The following TSEN2 variants were observed in gnomAD, a reference collection of about 807,000 sequenced individuals.
TSEN2 encodes tRNA-splicing endonuclease subunit Sen2.
TSEN2 carries 54 observed loss-of-function variants against 59.2 expected under a neutral mutation model. The ratio of observed to expected loss-of-function variants is 0.91; its 90% CI spans 0.73 to 1.14. The LOEUF is 1.14. Ranked by LOEUF, TSEN2 falls within the 50% of genes most tolerant of loss-of-function variation. TSEN2 has a pLI of 0.00. For synonymous variants in TSEN2, 195 were observed against 198.2 expected, an observed-to-expected ratio of 0.98 and a Z score of 0.14; for missense variants, 636 against 576.2, an observed-to-expected ratio of 1.10 and a Z score of -1.06.
At chr3:12,499,439 G>A (rs778554057) in intron 4 of TSEN2, among the ~76,000 whole-genome samples, 8 of 152,244 alleles carry the variant, frequency 5.3e-5, no homozygotes, top group African/African-American at 9.6e-5. Context: ...GTGCTGTCCT[G>A]TAGTAGTCGG....
intron 1 of TSEN2, among the ~76,000 whole-genome samples, chr3:12,486,732 T>C (rs965089410): frequency 6.6e-6 from 1 of 152,204 alleles, no homozygotes; most frequent in African/African-American, 2.4e-5. Context: ...TTCCCACTTT[T>C]CCCTGTCTCT....
chr3:12,495,180 T>C (rs567569195), intron 3 of TSEN2, among the ~76,000 whole-genome samples: 1 of 126,974 alleles, frequency 7.9e-6, no homozygotes, highest in South Asian at 2.4e-4. Flanking sequence ...TTTTTAAACA[T>C]AGAAATGAAG....
intron 4 of TSEN2, among the ~76,000 whole-genome samples, chr3:12,500,654 A>G (rs2054199611): frequency 6.6e-6 from 1 of 152,190 alleles, no homozygotes; most frequent in Non-Finnish European, 1.5e-5. Flanking sequence ...AAACTCCACA[A>G]TGATATAGTA....
chr3:12,532,826 C>A lies in TSEN2; in HGVS notation c.*105C>A. 9.4e-7 allele frequency: 1 copy of A among 1,059,798 alleles called. No individual in the cohort carries two copies. The allele number at this position is 1,059,798 out of a possible 1,614,324, so 65.6% of individuals were successfully genotyped here. The stretch of plus-strand genomic sequence containing the variant: ...CCATTAATTCATAAGTTTTAAAGGG[C>A]ATGGTGCTCCCAGCACCAGAAAACT... On this transcript the variant is annotated 3_prime_UTR_variant, in exon 12 of 12. Coordinates refer to ENST00000284995, the MANE Select transcript of TSEN2 (RefSeq NM_025265.4).
chr3:12,484,353 G>C (rs140758605), upstream of TSEN2: 1 of 152,436 alleles, frequency 6.6e-6, no homozygotes, highest in East Asian at 1.9e-4. Flanking sequence ...CTGGCGCACA[G>C]AACACCCGCC....
In TSEN2 at chr3:12,505,136, G is replaced by A. The variant is rs536383442; in HGVS notation, c.832-18G>A. The A allele has an allele frequency of 1.4e-5, 21 of 1,464,058 alleles. No homozygotes were observed. The highest frequency in any genetic ancestry group is 3.3e-5 in the Admixed American group (2 of 59,758). 90.7% of individuals were successfully genotyped at this position (1,464,058 alleles called of 1,614,324 possible). A position where few individuals can be genotyped will look rare whatever the true frequency, so the allele number is the denominator to read the frequency against. On this transcript the variant is annotated intron_variant, in intron 5 of 11. Transcript: ENST00000284995. ...TGCTTCCATTTGTTCTGTATATATT[G>A]TATTTCTTTCTCTTTAGTTGGTGCA... is the stretch of plus-strand genomic sequence containing the variant.
rs751179622 is a variant in TSEN2 at position 12,503,615 on chromosome 3, G to T, written c.662G>T (p.Cys221Phe). ...REDASPLPHV[C>F]CCKQDALILQ... ...GATGCCTCACCTCTGCCCCATGTCT[G>T]TTGCTGCAAACAAGATGCTCTCATC... Residue 221 changes from cysteine (C) to phenylalanine (F), a missense_variant, in exon 5 of 12, where the codon TGT (cysteine) becomes TTT (phenylalanine). Transcript: ENST00000284995. 6.3e-7 allele frequency: 1 copy of T among 1,594,726 alleles called. No homozygotes were observed. Among genetic ancestry groups the T allele is most frequent in the African/African-American group, 1.3e-5 (1 of 74,570 alleles).
chr3:12,536,420 A>C (rs976538876), downstream of TSEN2, among the ~76,000 whole-genome samples: 1 of 152,202 alleles, frequency 6.6e-6, no homozygotes, highest in Non-Finnish European at 1.5e-5. Context: ...TGGTCATCCC[A>C]TGAACATTGA....
downstream of TSEN2, among the ~76,000 whole-genome samples, chr3:12,535,795 G>A (rs889235379): frequency 6.6e-6 from 1 of 152,156 alleles, no homozygotes; most frequent in African/African-American, 2.4e-5. Flanking sequence ...GCCTCCCAAA[G>A]TGCTGGGATT....
rs908122565 is a variant in TSEN2 at position 12,484,849 on chromosome 3, GT to G, written c.-48del. The G allele has an allele frequency of 1.3e-5, 2 of 152,500 alleles. No homozygotes were observed. Among genetic ancestry groups the G allele is most frequent in the Non-Finnish European group, 2.9e-5 (2 of 68,244 alleles). The allele number at this position is 152,500 out of a possible 1,614,324, so 9.4% of individuals were successfully genotyped here. A position where few individuals can be genotyped will look rare whatever the true frequency, so the allele number is the denominator to read the frequency against. On this transcript the variant is annotated 5_prime_UTR_variant, in exon 1 of 12. An upstream open reading frame in the 5' UTR loses its in-frame stop. Transcript: ENST00000284995. ...GCAGCCTCTGGTGGAGTTCGGTCGGGTGTGGGGGTAGTCAAGGAAAGAAGCA... is the reference window on the plus strand; with the variant it reads ...GCAGCCTCTGGTGGAGTTCGGTCGGGGTGGGGGTAGTCAAGGAAAGAAGCA...
chr3:12,518,995 C>T (rs955318618), intron 7 of TSEN2, 64 bp from the exon 8 acceptor site: 5 of 1,559,870 alleles, frequency 3.2e-6, no homozygotes, highest in Non-Finnish European at 4.4e-6. Flanking sequence ...TGTTGGTGCC[C>T]TGGCTGAACG....
At chr3:12,483,027 C>T (rs1167248157), upstream of TSEN2, among the ~76,000 whole-genome samples, 1 of 152,212 alleles carries the variant, frequency 6.6e-6, no homozygotes, top group Non-Finnish European at 1.5e-5. Context: ...GCAGAGGACC[C>T]ACTGAATGCT....
At chr3:12,524,293 G>A (rs1452516774) in intron 8 of TSEN2, among the ~76,000 whole-genome samples, 1 of 152,052 alleles carries the variant, frequency 6.6e-6, no homozygotes, top group Non-Finnish European at 1.5e-5. Context: ...AGTTTCCTAG[G>A]GCTTATAAGA....
At chr3:12,507,559 TAGC>T (rs1313052571) in intron 6 of TSEN2, among the ~76,000 whole-genome samples, 3 of 152,230 alleles carry the variant, frequency 2.0e-5, no homozygotes, top group Non-Finnish European at 4.4e-5. Context: ...AAAAGCTAAT[TAGC>T]AGCTTGTTGG....
chr3:12,517,087 C>T (rs542736325), intron 7 of TSEN2, among the ~76,000 whole-genome samples: 1 of 152,244 alleles, frequency 6.6e-6, no homozygotes, highest in East Asian at 1.9e-4. Context: ...GTGGCTCACG[C>T]CTGTAATCCC....
chr3:12,496,582 T>A (rs752438276), intron 4 of TSEN2, 28 bp downstream of exon 4: 1 of 1,613,266 alleles, frequency 6.2e-7, no homozygotes, highest in African/African-American at 1.3e-5. Context: ...TTGGCTTCTG[T>A]CAAAATGATG....
At chr3:12,537,501 T>C (rs2057700504), downstream of TSEN2, among the ~76,000 whole-genome samples, 1 of 152,214 alleles carries the variant, frequency 6.6e-6, no homozygotes, top group African/African-American at 2.4e-5. Context: ...ACTTTTATTG[T>C]TTACCTCCTT....
At chr3:12,495,507 A>G (rs2053658980) in intron 3 of TSEN2, among the ~76,000 whole-genome samples, 1 of 152,238 alleles carries the variant, frequency 6.6e-6, no homozygotes, top group Non-Finnish European at 1.5e-5. Flanking sequence ...CTGGGATTAC[A>G]GGAATGAGCC....
At chr3:12,523,547 T>TTTTTTTTTTTTTTTTTTTTTTTTTTTTTA (rs2056836800) in intron 8 of TSEN2, among the ~76,000 whole-genome samples, 1 of 140,740 alleles carries the variant, frequency 7.1e-6, no homozygotes, top group African/African-American at 2.7e-5. Flanking sequence ...TTTTTTTTTT[T>TTTTTTTTTTTTTTTTTTTTTTTTTTTTTA]TTTTGAGACA....
Sources: gnomAD v4.1 joint callset for allele counts (sites outside exome capture counted in the v4.1 genomes callset) on GRCh38, gnomAD v4.1.1 for gene constraint, MANE v1.5 for transcripts, NCBI Gene and HGNC (gene_info 2026-07-23, HGNC 2026-07-21) for gene names.